NPTN: variants seen among roughly 807,000 people sequenced by gnomAD.
The protein encoded by NPTN is SDR-1.
In NPTN, 5 loss-of-function variants were observed where a neutral mutation model predicts 42.7. That is an observed-to-expected ratio of 0.12 (90% CI 0.06 to 0.25). The LOEUF (loss-of-function observed/expected upper bound fraction) is 0.25. Ranked by LOEUF, NPTN falls within the 10% of genes least tolerant of loss-of-function variation. The pLI, the probability that NPTN is intolerant of heterozygous loss-of-function variation, is 1.00. For synonymous variants in NPTN, 180 were observed against 201.9 expected, an observed-to-expected ratio of 0.89 and a Z score of 0.92; for missense variants, 307 against 525.4, an observed-to-expected ratio of 0.58 and a Z score of 4.06.
intron 2 of NPTN, among the ~76,000 whole-genome samples, chr15:73,596,447 AG>A (rs1896839116): frequency 6.6e-6 from 1 of 152,236 alleles, no homozygotes; most frequent in Non-Finnish European, 1.5e-5. Flanking sequence ...TCACAGTTAA[AG>A]GAAGAGGCTG....
chr15:73,566,675 A>C (rs62004587), intron 6 of NPTN, among the ~76,000 whole-genome samples: 54,270 of 152,120 alleles, frequency 0.36, 11,391 homozygotes, highest in Admixed American at 0.45. Flanking sequence ...GCACCCAAGC[A>C]GGTGCCCAGC....
intron 1 of NPTN, among the ~76,000 whole-genome samples, chr15:73,623,087 T>G (rs1898215256): frequency 6.6e-6 from 1 of 152,204 alleles, no homozygotes; most frequent in South Asian, 2.1e-4. Flanking sequence ...ATTTACCATA[T>G]AAAAGAAAAA....
At chr15:73,565,093 T>C (rs970192520) in intron 6 of NPTN, among the ~76,000 whole-genome samples, 3 of 152,218 alleles carry the variant, frequency 2.0e-5, no homozygotes, top group Non-Finnish European at 4.4e-5. Flanking sequence ...ATGCAAAGGG[T>C]TGCATGGAGG....
intron 6 of NPTN, chr15:73,563,658 G>T: frequency 1.4e-6 from 1 of 727,094 alleles, no homozygotes; most frequent in Non-Finnish European, 1.7e-6. Context: ...GTGAATGCAT[G>T]CAGTTTTGGC....
At position 73,570,360 on chromosome 15, in the gene NPTN, T is replaced by C. The variant is rs778390383; in HGVS notation, c.904A>G (p.Ile302Val). The C allele has an allele frequency of 3.7e-6, 6 of 1,613,948 alleles. No individual in the cohort carries two copies. The African/African-American group carries it at 8.0e-5, about 22-fold the overall frequency. ...TCTTCCGTGATCTGCAGGTTCACAA[T>C]GTTCAACTCAGTGTAATTTTCCTTG... ...INKENYTELN[I>V]VNLQITEDPG... Residue 302 changes from isoleucine (I) to valine (V), a missense_variant, in exon 6 of 9, where the codon ATT (isoleucine) becomes GTT (valine). Transcript: ENST00000345330. This position sits in a 1 kb window ranked among gnomAD's most constrained non-coding sequence, Gnocchi z 4.0.
At chr15:73,567,237 A>G in intron 6 of NPTN, 1 of 985,434 alleles carries the variant, frequency 1.0e-6, no homozygotes, top group Non-Finnish European at 1.2e-6. Context: ...TTCATATAAA[A>G]AAAGTTCAGT....
At chr15:73,622,955 T>C (rs191090016) in intron 1 of NPTN, among the ~76,000 whole-genome samples, 279 of 152,350 alleles carry the variant, frequency 1.8e-3, no homozygotes, top group Admixed American at 3.7e-3. Context: ...TCTACCAAGG[T>C]ATTACAGCAC....
intron 1 of NPTN, among the ~76,000 whole-genome samples, chr15:73,622,892 C>T (rs932746432): frequency 6.6e-5 from 10 of 152,196 alleles, no homozygotes; most frequent in African/African-American, 2.2e-4. Flanking sequence ...AACTGGGCAT[C>T]CTATATTTTA....
At chr15:73,592,219 G>A in intron 2 of NPTN, 82 bp from the exon 3 acceptor site, 3 of 1,218,536 alleles carry the variant, frequency 2.5e-6, no homozygotes, top group South Asian at 3.5e-5. Flanking sequence ...CGGGGTAGGA[G>A]GGGGAAACTA....
intron 4 of NPTN, among the ~76,000 whole-genome samples, chr15:73,574,324 G>A (rs1271978234): frequency 6.6e-6 from 1 of 152,288 alleles, no homozygotes; most frequent in East Asian, 1.9e-4. Flanking sequence ...AATGACCAAG[G>A]CTCTCCCAGG....
Position 73,560,971 on chromosome 15 carries a change from A to C in NPTN, c.*92T>G, listed in dbSNP as rs1036465276. Reference sequence around the variant, plus strand: ...CAGTCATTGTGGTGTTGCTCACTTGAAAGGGGAGAGAACCAAAGAGGTCCA... The same window carrying C: ...CAGTCATTGTGGTGTTGCTCACTTGCAAGGGGAGAGAACCAAAGAGGTCCA... On this transcript the variant is annotated 3_prime_UTR_variant, in exon 9 of 9. Coordinates refer to ENST00000345330, the MANE Select transcript of NPTN (RefSeq NM_012428.4). 8.5e-5 allele frequency: 13 copies of C among 152,624 alleles called. No homozygotes were observed. The highest frequency in any genetic ancestry group is 3.1e-4 in the African/African-American group (13 of 41,432). 9.5% of individuals were successfully genotyped at this position (152,624 alleles called of 1,614,324 possible). A position where few individuals can be genotyped will look rare whatever the true frequency, so the allele number is the denominator to read the frequency against.
chr15:73,587,604 C>T lies in NPTN; in HGVS notation c.626G>A (p.Arg209Lys). 1.2e-6 allele frequency: 2 copies of T among 1,613,546 alleles called. No homozygotes were observed. The highest frequency in any genetic ancestry group is 1.7e-6 in the Non-Finnish European group (2 of 1,179,482). Residue 209 changes from arginine (R) to lysine (K), a missense_variant, in exon 4 of 9, where the codon AGA becomes AAA. Around this residue, in one of 2 missense-constraint regions of NPTN, gnomAD observed 264 missense variants for 491.1 expected, o/e 0.54. Transcript: ENST00000345330. The part of the protein sequence containing the change: ...SNMEYRINKP[R>K]AEDSGEYHCV... ...GTGGTATTCGCCTGAATCCTCAGCT[C>T]TCGGCTTATTGATCCTGCAGAGATG...
At chr15:73,612,437 A>AC in intron 1 of NPTN, among the ~76,000 whole-genome samples, 1 of 143,230 alleles carries the variant, frequency 7.0e-6, no homozygotes, top group Non-Finnish European at 1.5e-5. Flanking sequence ...AAAAAAAAAA[A>AC]GGAAGAAAAG....
chr15:73,580,055 C>T (rs1434842960), intron 4 of NPTN, among the ~76,000 whole-genome samples: 1 of 151,766 alleles, frequency 6.6e-6, no homozygotes, highest in Non-Finnish European at 1.5e-5. Flanking sequence ...CAGACATTAC[C>T]CCACTTTTTA....
chr15:73,599,325 G>T (rs1896971317), intron 1 of NPTN, among the ~76,000 whole-genome samples: 1 of 152,066 alleles, frequency 6.6e-6, no homozygotes, highest in Non-Finnish European at 1.5e-5. Flanking sequence ...AAACAAAGAA[G>T]TAAAGGAGGG....
rs1301892222 is a variant in NPTN at position 73,633,240 on chromosome 15, C to A, written c.-25G>T. On this transcript the variant is annotated 5_prime_UTR_variant, in exon 1 of 9. Transcript: ENST00000345330. Reference sequence around the variant, plus strand: ...TCCTCCCTAGCAGAAGACCCAACAGCGAATGGGCCGGGGCCAGAGCCGGGG... The same window carrying A: ...TCCTCCCTAGCAGAAGACCCAACAGAGAATGGGCCGGGGCCAGAGCCGGGG... 14 of 1,477,374 alleles carry A rather than the reference C, an allele frequency of 9.5e-6. No individual in the cohort carries two copies. The highest frequency in any genetic ancestry group is 2.6e-5 in the South Asian group (2 of 76,316). 91.5% of individuals were successfully genotyped at this position (1,477,374 alleles called of 1,614,324 possible). A position where few individuals can be genotyped will look rare whatever the true frequency, so the allele number is the denominator to read the frequency against.
chr15:73,621,322 T>C (rs1898129801), intron 1 of NPTN, among the ~76,000 whole-genome samples: 2 of 152,210 alleles, frequency 1.3e-5, no homozygotes, highest in Non-Finnish European at 2.9e-5. Flanking sequence ...TTTAATGATA[T>C]GCTCATCATT....
At chr15:73,579,035 A>G (rs571526097) in intron 4 of NPTN, among the ~76,000 whole-genome samples, 14 of 148,578 alleles carry the variant, frequency 9.4e-5, no homozygotes, top group Non-Finnish European at 2.1e-4. Flanking sequence ...ACATCCAAGT[A>G]TTGGGAAGGC....
chr15:73,621,669 C>G (rs1898142157), intron 1 of NPTN, among the ~76,000 whole-genome samples: 1 of 152,180 alleles, frequency 6.6e-6, no homozygotes, highest in East Asian at 1.9e-4. Flanking sequence ...CTTCATTACC[C>G]AACAAGATGA....
Sources: gnomAD v4.1 joint callset for allele counts (sites outside exome capture counted in the v4.1 genomes callset) on GRCh38, gnomAD v4.1.1 for gene constraint, gnomAD v4.1.1 regional missense constraint, Gnocchi (gnomAD v3.1) non-coding constraint, MANE v1.5 for transcripts, NCBI Gene and HGNC (gene_info 2026-07-23, HGNC 2026-07-21) for gene names.